Variants in RRM1 observed in about 807,000 individuals in gnomAD.
RRM1 encodes ribonucleotide reductase catalytic subunit M1.
RRM1 carries 19 observed loss-of-function variants against 101.5 expected under a neutral mutation model. The ratio of observed to expected loss-of-function variants is 0.19; its 90% CI spans 0.13 to 0.27. The LOEUF is 0.27. Ranked by LOEUF, RRM1 falls within the 10% of genes least tolerant of loss-of-function variation. The pLI, the probability that RRM1 is intolerant of heterozygous loss-of-function variation, is 1.00. For missense variants in RRM1, 500 were observed against 962.9 expected (o/e 0.52, Z 6.36); for synonymous variants, 298 against 323.4 (o/e 0.92, Z 0.84).
intron 16 of RRM1, among the ~76,000 whole-genome samples, 181 bp from the exon 17 acceptor site, chr11:4,133,382 T>C (rs574206812): frequency 2.6e-4 from 39 of 152,308 alleles, no homozygotes; most frequent in African/African-American, 9.1e-4. Flanking sequence ...GTCAAGATCT[T>C]AAAGGAATAT....
intron 15 of RRM1, among the ~76,000 whole-genome samples, chr11:4,130,493 C>G (rs1318070856): frequency 6.6e-6 from 1 of 152,006 alleles, no homozygotes; most frequent in East Asian, 1.9e-4. Flanking sequence ...GTCAGGAGTT[C>G]AAGACCAGCT....
chr11:4,103,437 T>C (rs999238422), intron 2 of RRM1, among the ~76,000 whole-genome samples: 5 of 152,224 alleles, frequency 3.3e-5, no homozygotes, highest in Non-Finnish European at 7.3e-5. Flanking sequence ...CTTAAGTTAG[T>C]GGGAGTGTAG....
At chr11:4,121,465 C>G in intron 9 of RRM1, 139 bp from the exon 10 acceptor site, 1 of 532,884 alleles carries the variant, frequency 1.9e-6, no homozygotes, top group Non-Finnish European at 3.0e-6. Context: ...AAAACTTACA[C>G]TTTTATAATA....
At chr11:4,128,025 G>A (rs1450522315) in intron 14 of RRM1, among the ~76,000 whole-genome samples, 2 of 152,134 alleles carry the variant, frequency 1.3e-5, no homozygotes, top group African/African-American at 4.8e-5. Context: ...AAGGACTCAT[G>A]GCATCTTGCT....
At chr11:4,121,319 G>T (rs558973850) in intron 9 of RRM1, among the ~76,000 whole-genome samples, 1 of 152,310 alleles carries the variant, frequency 6.6e-6, no homozygotes, top group East Asian at 1.9e-4. Flanking sequence ...GAGCTGGGCT[G>T]TTGCTGAAGA....
At chr11:4,122,051 TA>T in intron 10 of RRM1, 89 bp from the exon 11 acceptor site, 1 of 1,041,814 alleles carries the variant, frequency 9.6e-7, no homozygotes, top group African/African-American at 1.6e-5. Context: ...AGAGAGCTTG[TA>T]AAAGTCACCT....
chr11:4,115,983 CGTGGATCAATAAGGCCGA>C (rs1024018562), intron 7 of RRM1: 2 of 152,124 alleles, frequency 1.3e-5, no homozygotes, highest in African/African-American at 4.8e-5. Flanking sequence ...GGAAGGGCAC[CGTGGATCAATAAGGCCGA>C]GAGGCGAGAC....
chr11:4,128,847 A>T (rs974504483), intron 14 of RRM1, among the ~76,000 whole-genome samples: 9 of 152,184 alleles, frequency 5.9e-5, no homozygotes, highest in African/African-American at 2.2e-4. Flanking sequence ...TCTGGTTTGT[A>T]GATATGACAT....
intron 7 of RRM1, among the ~76,000 whole-genome samples, chr11:4,112,947 A>G (rs1207097395): frequency 6.6e-6 from 1 of 152,160 alleles, no homozygotes; most frequent in African/African-American, 2.4e-5. Flanking sequence ...AGCCTGGGCA[A>G]CACAGTGATA....
At chr11:4,126,335 T>C (rs1288858429) in intron 12 of RRM1, among the ~76,000 whole-genome samples, 2 of 152,216 alleles carry the variant, frequency 1.3e-5, no homozygotes, top group Non-Finnish European at 2.9e-5. Context: ...GGCTACCATA[T>C]TGCAGGGCAC....
intron 15 of RRM1, among the ~76,000 whole-genome samples, chr11:4,131,446 A>T (rs2094600210): frequency 6.6e-6 from 1 of 152,238 alleles, no homozygotes; most frequent in Non-Finnish European, 1.5e-5. Flanking sequence ...ATCCATAGGT[A>T]TAGAATGTAG....
chr11:4,099,616 C>A (rs1391570442), intron 1 of RRM1: 3 of 152,078 alleles, frequency 2.0e-5, no homozygotes, highest in East Asian at 3.9e-4. Context: ...GAATGGGAAG[C>A]CCTCTTGGGA....
chr11:4,127,431 A>T (rs191115736), intron 14 of RRM1, among the ~76,000 whole-genome samples, 175 bp downstream of exon 14: 88 of 152,348 alleles, frequency 5.8e-4, no homozygotes, highest in African/African-American at 2.1e-3. Context: ...AAGGAGATTT[A>T]CCTGGATTAT....
At chr11:4,125,103 C>T (rs189589744) in intron 12 of RRM1, among the ~76,000 whole-genome samples, 93 of 151,908 alleles carry the variant, frequency 6.1e-4, no homozygotes, top group Middle Eastern at 3.4e-3. Flanking sequence ...TTAGTAGGGA[C>T]GAGGTTTCAC....
chr11:4,132,493 T>C lies in RRM1; in HGVS notation c.1905+72T>C. ...GATGTTGGGAGTAAATGCTCACTCATGTTTAATTTGCCCATTTTCTTAGTT... is the reference window on the plus strand; with the variant it reads ...GATGTTGGGAGTAAATGCTCACTCACGTTTAATTTGCCCATTTTCTTAGTT... On this transcript the variant is annotated intron_variant, in intron 16 of 18. Coordinates refer to ENST00000300738, the MANE Select transcript of RRM1 (RefSeq NM_001033.5). This position sits in a 1 kb window ranked among gnomAD's most constrained non-coding sequence, Gnocchi z 4.1. 1 of 1,524,324 alleles carries C rather than the reference T, an allele frequency of 6.6e-7. No individual in the cohort carries two copies. Among genetic ancestry groups the C allele is most frequent in the Non-Finnish European group, 9.0e-7 (1 of 1,114,366 alleles). 94.4% of individuals were successfully genotyped at this position (1,524,324 alleles called of 1,614,324 possible).
At chr11:4,106,419 C>T (rs1662173) in intron 3 of RRM1, among the ~76,000 whole-genome samples, 196 bp downstream of exon 3, 1 of 151,850 alleles carries the variant, frequency 6.6e-6, no homozygotes, top group Non-Finnish European at 1.5e-5. Context: ...GGCAATGTGG[C>T]GAAACCCCAT....
intron 11 of RRM1, 29 bp from the exon 12 acceptor site, chr11:4,123,154 T>C: frequency 6.4e-7 from 1 of 1,552,314 alleles, no homozygotes; most frequent in Non-Finnish European, 8.8e-7. Context: ...AGGGAATATA[T>C]ATTAAATAAT....
intron 6 of RRM1, 28 bp downstream of exon 6, chr11:4,111,668 C>T (rs199510349): frequency 1.9e-6 from 3 of 1,557,458 alleles, no homozygotes; most frequent in Middle Eastern, 1.8e-4. Context: ...TTGTCTGTTA[C>T]ATTTTCTACT....
At chr11:4,122,013 A>T (rs182566417) in intron 10 of RRM1, 128 bp from the exon 11 acceptor site, 9 of 784,048 alleles carry the variant, frequency 1.1e-5, no homozygotes, top group African/African-American at 3.5e-5. Flanking sequence ...CTGAACCTGA[A>T]AATGATTATT....
Sources: gnomAD v4.1 joint callset for allele counts (sites outside exome capture counted in the v4.1 genomes callset) on GRCh38, gnomAD v4.1.1 for gene constraint, Gnocchi (gnomAD v3.1) non-coding constraint, MANE v1.5 for transcripts, NCBI Gene and HGNC (gene_info 2026-07-23, HGNC 2026-07-21) for gene names.